AHRR: variants seen among roughly 807,000 people sequenced by gnomAD.
AHRR encodes ahR repressor.
Under a neutral mutation model 44.0 loss-of-function variants are expected in AHRR, and 28 were observed. The ratio of observed to expected loss-of-function variants is 0.64; its 90% CI spans 0.47 to 0.87. AHRR has a LOEUF of 0.87. Among genes scored for constraint, AHRR ranks in the 40% least tolerant of loss-of-function variants. The pLI is 0.00. For missense variants in AHRR, 990 were observed against 953.9 expected (o/e 1.04, Z -0.50); for synonymous variants, 434 against 407.0 (o/e 1.07, Z -0.80).
At chr5:345,335 GATGT>G (rs1394964737) in intron 2 of AHRR, among the ~76,000 whole-genome samples, 1 of 10,094 alleles carries the variant, frequency 9.9e-5, no homozygotes. Context: ...TGTGTGTGGG[GATGT>G]GTGTGTGTGT....
chr5:349,579 CA>C (rs35232794), intron 2 of AHRR, among the ~76,000 whole-genome samples: 55,538 of 129,406 alleles, frequency 0.43, 11,861 homozygotes, highest in Non-Finnish European at 0.55. Flanking sequence ...GACTCCGTCT[CA>C]AAAAAAAAAA....
At chr5:398,531 C>T (rs933148102) in intron 4 of AHRR, among the ~76,000 whole-genome samples, 14 of 152,346 alleles carry the variant, frequency 9.2e-5, no homozygotes, top group South Asian at 2.1e-4. Flanking sequence ...GCTCTGCCCT[C>T]GGCTCAGCTG....
chr5:398,352 T>G (rs997242937), intron 4 of AHRR, among the ~76,000 whole-genome samples: 2 of 151,668 alleles, frequency 1.3e-5, no homozygotes, highest in African/African-American at 4.9e-5. Context: ...ACCGTACACC[T>G]TAGCCCCTGA....
intron 1 of AHRR, among the ~76,000 whole-genome samples, chr5:341,146 C>G (rs537243976): frequency 6.6e-6 from 1 of 151,890 alleles, no homozygotes; most frequent in Admixed American, 6.5e-5. Context: ...TCCCAAGTAG[C>G]TGGGACTACA....
chr5:335,220 C>A (rs1041783383), intron 1 of AHRR, among the ~76,000 whole-genome samples: 3 of 152,128 alleles, frequency 2.0e-5, no homozygotes, highest in Admixed American at 1.3e-4. Context: ...GTGTACCATG[C>A]GAGTGAGCAG....
chr5:390,494 C>T (rs986581400), intron 4 of AHRR, among the ~76,000 whole-genome samples: 4 of 152,164 alleles, frequency 2.6e-5, no homozygotes, highest in African/African-American at 9.7e-5. Context: ...AGCATGAGAG[C>T]AAAAGCCCTA....
intron 4 of AHRR, among the ~76,000 whole-genome samples, chr5:396,784 C>T (rs1734722587): frequency 6.6e-6 from 1 of 152,166 alleles, no homozygotes. Context: ...CCCCTGCATT[C>T]GCCTGCCCGC....
chr5:429,081 G>A (rs1371744551), intron 8 of AHRR, among the ~76,000 whole-genome samples: 7 of 152,226 alleles, frequency 4.6e-5, no homozygotes, highest in African/African-American at 7.2e-5. Context: ...TTGGGGATTC[G>A]TGTCTATAGT....
intron 5 of AHRR, 181 bp from the exon 6 acceptor site, chr5:422,548 C>A: frequency 1.3e-6 from 1 of 764,128 alleles, no homozygotes; most frequent in Non-Finnish European, 2.1e-6. Context: ...GCAACTTAGA[C>A]ATCTTCTCAG....
intron 7 of AHRR, among the ~76,000 whole-genome samples, chr5:426,327 A>C (rs954255573): frequency 2.8e-5 from 4 of 144,034 alleles, no homozygotes; most frequent in Admixed American, 6.8e-5. Flanking sequence ...TTGGATAGGA[A>C]GATGATGGAT....
At chr5:391,373 T>TGA (rs1560904212) in intron 4 of AHRR, among the ~76,000 whole-genome samples, 7 of 70,426 alleles carry the variant, frequency 9.9e-5, no homozygotes, top group South Asian at 4.6e-4. Flanking sequence ...AGAGCGTGCA[T>TGA]GGGCGCAGGG....
chr5:361,440 T>C (rs184302000), intron 3 of AHRR, among the ~76,000 whole-genome samples: 1 of 152,306 alleles, frequency 6.6e-6, no homozygotes, highest in African/African-American at 2.4e-5. Flanking sequence ...GTGGCTGGCA[T>C]GTTTCATCTT....
intron 8 of AHRR, among the ~76,000 whole-genome samples, chr5:430,681 T>C (rs956077418): frequency 2.6e-5 from 4 of 152,218 alleles, no homozygotes; most frequent in Non-Finnish European, 2.9e-5. Flanking sequence ...AAGGTTTTCA[T>C]GCTGTGTTGG....
chr5:425,587 C>T (rs1191043031), intron 7 of AHRR, among the ~76,000 whole-genome samples: 2 of 152,036 alleles, frequency 1.3e-5, no homozygotes, highest in Admixed American at 6.5e-5. Flanking sequence ...GAATGTTGTT[C>T]GTTTTTTAAA....
intron 3 of AHRR, among the ~76,000 whole-genome samples, chr5:362,463 G>A (rs1482347356): frequency 6.6e-6 from 1 of 152,218 alleles, no homozygotes; most frequent in Non-Finnish European, 1.5e-5. Context: ...TCTCCAGGCT[G>A]TGCTCCAACC....
In AHRR at chr5:383,221, G is replaced by A. The variant is rs1280795908; in HGVS notation, c.351+6505G>A. ...TGTTCACTGCACTGGGAAAATAGGG[G>A]TATTCCACTGTCATTGTGTGAGTTG... On this transcript the variant is annotated intron_variant, in intron 4 of 10. Coordinates refer to ENST00000684583, the MANE Select transcript of AHRR (RefSeq NM_001377236.1). The surrounding 1 kb of genome is among the most constrained non-coding windows in gnomAD (Gnocchi z 4.0). 6.6e-6 allele frequency among the ~76,000 whole-genome samples: 1 copy of A among 152,182 alleles called. No homozygotes were observed. The highest frequency in any genetic ancestry group is 2.4e-5 in the African/African-American group (1 of 41,438).
In AHRR at chr5:434,931, A is replaced by G; in HGVS notation, c.*97A>G. 6.9e-7 allele frequency: 1 copy of G among 1,444,700 alleles called. No homozygotes were observed. Among genetic ancestry groups the G allele is most frequent in the Non-Finnish European group, 9.2e-7 (1 of 1,086,890 alleles). The allele number at this position is 1,444,700 out of a possible 1,614,324, so 89.5% of individuals were successfully genotyped here. The stretch of plus-strand genomic sequence containing the variant: ...TCCTGGTCAGGCCGGAGCCCGTCCT[A>G]AGACACACGCTTTGCAGAGCTGTGC... On this transcript the variant is annotated 3_prime_UTR_variant, in exon 11 of 11. Coordinates refer to ENST00000684583, the MANE Select transcript of AHRR (RefSeq NM_001377236.1).
chr5:430,967 G>T (rs1165674577), intron 8 of AHRR, among the ~76,000 whole-genome samples: 1 of 152,206 alleles, frequency 6.6e-6, no homozygotes, highest in East Asian at 1.9e-4. Context: ...AAGGACCTGG[G>T]GTCTCTGCAG....
At chr5:423,613 T>C (rs1277898650) in intron 6 of AHRR, among the ~76,000 whole-genome samples, 4 of 152,194 alleles carry the variant, frequency 2.6e-5, no homozygotes, top group Admixed American at 2.6e-4. Context: ...GATGAAACCA[T>C]TGGTCCATCG....
Sources: gnomAD v4.1 joint callset for allele counts (sites outside exome capture counted in the v4.1 genomes callset) on GRCh38, gnomAD v4.1.1 for gene constraint, Gnocchi (gnomAD v3.1) non-coding constraint, MANE v1.5 for transcripts, NCBI Gene and HGNC (gene_info 2026-07-23, HGNC 2026-07-21) for gene names.